Variants in DRC7 observed in about 807,000 individuals in gnomAD.
DRC7 encodes coiled-coil domain containing 135.
Under a neutral mutation model 104.4 loss-of-function variants are expected in DRC7, and 80 were observed. The observed-to-expected ratio is 0.77, with a 90% CI of 0.64 to 0.92. The LOEUF (loss-of-function observed/expected upper bound fraction) is 0.92. DRC7 is among the 40% of genes least tolerant of loss of function. DRC7 has a pLI of 0.00. For synonymous variants in DRC7, 405 were observed against 447.3 expected (o/e 0.91, Z 1.19); for missense variants, 1,034 against 1,141.1 (o/e 0.91, Z 1.35).
chr16:57,720,634 C>T (rs777903854), intron 9 of DRC7, among the ~76,000 whole-genome samples: 1 of 152,166 alleles, frequency 6.6e-6, no homozygotes, highest in African/African-American at 2.4e-5. Context: ...AGTCATGGAC[C>T]CCCAGGAAAA....
At chr16:57,699,539 AG>A (rs1215430428) in intron 4 of DRC7, among the ~76,000 whole-genome samples, 5 of 152,128 alleles carry the variant, frequency 3.3e-5, no homozygotes, top group Non-Finnish European at 7.4e-5. Context: ...CAGGGCTGGA[AG>A]GAAAAAGCCA....
intron 8 of DRC7, 93 bp downstream of exon 8, chr16:57,707,771 C>G: frequency 8.5e-7 from 1 of 1,175,306 alleles, no homozygotes; most frequent in Non-Finnish European, 1.2e-6. Flanking sequence ...TTGGGGAGAG[C>G]GAGACACCAG....
chr16:57,726,957 G>C lies in DRC7; in HGVS notation c.2085+15G>C, dbSNP rs754123510. On this transcript the variant is annotated intron_variant, in intron 15 of 18. Coordinates refer to ENST00000360716, the MANE Select transcript of DRC7 (RefSeq NM_001289162.2). ...CAGAGCTGGAGGTAGGGTCCTGTGG[G>C]AGAGTGAGCAGGTGGGCGGTATCTT... 6.6e-7 allele frequency: 1 copy of C among 1,517,334 alleles called. No homozygotes were observed. The highest frequency in any genetic ancestry group is 2.3e-5 in the East Asian group (1 of 44,298). The allele number at this position is 1,517,334 out of a possible 1,614,324, so 94.0% of individuals were successfully genotyped here. A position where few individuals can be genotyped will look rare whatever the true frequency, so the allele number is the denominator to read the frequency against.
intron 1 of DRC7, among the ~76,000 whole-genome samples, chr16:57,695,919 G>C (rs1008732868): frequency 6.6e-6 from 1 of 152,230 alleles, no homozygotes; most frequent in Non-Finnish European, 1.5e-5. Context: ...GCCCATGTGG[G>C]TGTGGAGTTG....
intron 9 of DRC7, 107 bp from the exon 10 acceptor site, chr16:57,721,560 C>T (rs1469016696): frequency 2.6e-5 from 21 of 804,432 alleles, no homozygotes; most frequent in East Asian, 7.6e-5. Context: ...CGGAAGCCAA[C>T]GGACCACCTT....
Position 57,702,535 on chromosome 16 carries a change from A to G in DRC7, c.699+405A>G, listed in dbSNP as rs181228374. Reference sequence around the variant, plus strand: ...GAAAATAGGCCAGGTGCGGTGGCTCATGCCTGTAATCCCAGCACTTTGGGA... The same window carrying G: ...GAAAATAGGCCAGGTGCGGTGGCTCGTGCCTGTAATCCCAGCACTTTGGGA... On this transcript the variant is annotated intron_variant, in intron 6 of 18. Transcript: ENST00000360716. Among the ~76,000 whole-genome samples, 231 of 152,358 alleles carry G rather than the reference A, an allele frequency of 1.5e-3. 1 individual carries two copies. The highest frequency in any genetic ancestry group is 5.3e-3 in the African/African-American group (220 of 41,576).
At chr16:57,720,383 G>T (rs1409940304) in intron 9 of DRC7, among the ~76,000 whole-genome samples, 1 of 152,218 alleles carries the variant, frequency 6.6e-6, no homozygotes, top group Non-Finnish European at 1.5e-5. Flanking sequence ...AATGTTCTCA[G>T]CATCCTCATC....
chr16:57,723,236 A>C, intron 12 of DRC7, 106 bp downstream of exon 12: 4 of 1,345,422 alleles, frequency 3.0e-6, no homozygotes, highest in Non-Finnish European at 4.1e-6. Context: ...CATATTATAC[A>C]TGGGTTCTTG....
chr16:57,729,125 GGTAGATGGATGA>G (rs2049013030), intron 17 of DRC7, among the ~76,000 whole-genome samples: 1 of 141,440 alleles, frequency 7.1e-6, no homozygotes, highest in African/African-American at 2.8e-5. Flanking sequence ...TGAGTGGGTG[GGTAGATGGATGA>G]ATGGATGGAT....
Position 57,700,132 on chromosome 16 carries a change from T to C in DRC7, c.379-13T>C, listed in dbSNP as rs776137131. ...TTGCCTTGACCCCACTGGCACCATC[T>C]CTCTCCTTGCAGAAGTTCGTGAGCA... On this transcript the variant is annotated splice_polypyrimidine_tract_variant and intron_variant, in intron 4 of 18. Transcript: ENST00000360716. 1 of 1,612,754 alleles carries C rather than the reference T, an allele frequency of 6.2e-7. No individual in the cohort carries two copies. The highest frequency in any genetic ancestry group is 8.5e-7 in the Non-Finnish European group (1 of 1,179,060).
chr16:57,731,243 G>GA lies in DRC7; in HGVS notation c.2614dup (p.Ile872AsnfsTer90). On this transcript the variant is annotated frameshift_variant, in exon 19 of 19. Coordinates refer to ENST00000360716, the MANE Select transcript of DRC7 (RefSeq NM_001289162.2). LOFTEE classifies it high-confidence loss of function. ...AGGACCCACGCCTGGGGGAGCTCCA[G>GA]AAAATATTCGCTTGATGTCCCTCCT... The GA allele has an allele frequency of 6.2e-7, 1 of 1,613,486 alleles. No homozygotes were observed. The highest frequency in any genetic ancestry group is 8.5e-7 in the Non-Finnish European group (1 of 1,179,894).
rs1318263924 is a variant in DRC7 at position 57,731,609 on chromosome 16, G to A, written c.*351G>A. The A allele has an allele frequency of 3.2e-6, 1 of 313,756 alleles. No individual in the cohort carries two copies. The highest frequency in any genetic ancestry group is 6.0e-6 in the Non-Finnish European group (1 of 165,866). 19.4% of individuals were successfully genotyped at this position (313,756 alleles called of 1,614,324 possible). A position where few individuals can be genotyped will look rare whatever the true frequency, so the allele number is the denominator to read the frequency against. ...AGGTCTTCACAGCACCTCTGCAGAT[G>A]GTCCCACAGCCATCTGCAAACAACT... On this transcript the variant is annotated 3_prime_UTR_variant, in exon 19 of 19. Coordinates refer to ENST00000360716, the MANE Select transcript of DRC7 (RefSeq NM_001289162.2).
At chr16:57,714,585 C>T (rs774112594) in intron 8 of DRC7, 1 of 167,104 alleles carries the variant, frequency 6.0e-6, no homozygotes, top group Non-Finnish European at 1.3e-5. Context: ...ATGATTGTGC[C>T]ACTGCACTCC....
chr16:57,727,485 G>A (rs1361302492), intron 16 of DRC7, 76 bp downstream of exon 16: 1 of 1,081,070 alleles, frequency 9.3e-7, no homozygotes, highest in Non-Finnish European at 1.4e-6. Flanking sequence ...GGACCATGAG[G>A]GATTCTGCTG....
Position 57,724,600 on chromosome 16 carries a change from C to G in DRC7, c.1538-15C>G. The G allele has an allele frequency of 6.3e-7, 1 of 1,588,474 alleles. No homozygotes were observed. The highest frequency in any genetic ancestry group is 8.6e-7 in the Non-Finnish European group (1 of 1,162,794). On this transcript the variant is annotated splice_polypyrimidine_tract_variant and intron_variant, in intron 12 of 18. Transcript: ENST00000360716. Reference sequence around the variant, plus strand: ...TTATGAAGCTGTCTCCTCCCAACTCCCGCTCCCCACCCAGTGCACTCGTAC... The same window carrying G: ...TTATGAAGCTGTCTCCTCCCAACTCGCGCTCCCCACCCAGTGCACTCGTAC...
At position 57,698,042 on chromosome 16, in the gene DRC7, G is replaced by C; in HGVS notation, c.93G>C (p.Met31Ile). 1 of 1,614,150 alleles carries C rather than the reference G, an allele frequency of 6.2e-7. No individual in the cohort carries two copies. The highest frequency in any genetic ancestry group is 1.3e-5 in the African/African-American group (1 of 75,064). The change falls in exon 3 of 19, where the codon ATG becomes ATC. Residue 31 changes from methionine (M) to isoleucine (I), a missense_variant. By Grantham distance (10) the Met-to-Ile change is conservative. Coordinates refer to ENST00000360716, the MANE Select transcript of DRC7 (RefSeq NM_001289162.2). Reference sequence around the variant, plus strand: ...CTGAATGGGCGAGGATGGAGAAAATGATGAGGCCAGTTGAGGTGCGGAAGG... The same window carrying C: ...CTGAATGGGCGAGGATGGAGAAAATCATGAGGCCAGTTGAGGTGCGGAAGG... ...EWAEWARMEK[M>I]MRPVEVRKEE...
chr16:57,699,110 T>C, intron 4 of DRC7, 86 bp downstream of exon 4: 1 of 1,487,068 alleles, frequency 6.7e-7, no homozygotes, highest in Non-Finnish European at 9.1e-7. Context: ...TTCTCCAAGG[T>C]CACTGGGCCA....
At chr16:57,701,313 T>G (rs1219874386) in intron 5 of DRC7, 1 of 152,562 alleles carries the variant, frequency 6.6e-6, no homozygotes, top group Non-Finnish European at 1.5e-5. Flanking sequence ...GTACAGCCTC[T>G]CAGGGCCCCT....
chr16:57,727,283 A>T lies in DRC7; in HGVS notation c.2086-16A>T. ...AGGGGTGTCTCCATCACGCCCTCCA[A>T]CACTTCTCATTTCAGGTGCTGGAGA... On this transcript the variant is annotated splice_polypyrimidine_tract_variant and intron_variant, in intron 15 of 18. Transcript: ENST00000360716. 6.2e-7 allele frequency: 1 copy of T among 1,606,124 alleles called. No homozygotes were observed. Among genetic ancestry groups the T allele is most frequent in the Non-Finnish European group, 8.5e-7 (1 of 1,173,566 alleles).
Sources: allele counts gnomAD v4.1 joint callset (sites outside exome capture counted in the v4.1 genomes callset), GRCh38; gene constraint gnomAD v4.1.1; transcripts MANE v1.5; gene names NCBI Gene and HGNC (gene_info 2026-07-23, HGNC 2026-07-21).